Variants in CAMK2G observed in about 807,000 individuals in gnomAD.
CAMK2G encodes calcium/calmodulin dependent protein kinase II gamma.
Under a neutral mutation model 88.7 loss-of-function variants are expected in CAMK2G, and 23 were observed. The observed-to-expected ratio is 0.26, with a 90% CI of 0.19 to 0.37. The LOEUF (loss-of-function observed/expected upper bound fraction) is 0.37, where lower values mean the gene tolerates loss of function less well. Ranked by LOEUF, CAMK2G falls within the 10% of genes least tolerant of loss-of-function variation. The pLI, the probability that CAMK2G is intolerant of heterozygous loss-of-function variation, is 1.00. For synonymous variants in CAMK2G, 263 were observed against 294.8 expected, an observed-to-expected ratio of 0.89 and a Z score of 1.11; for missense variants, 476 against 780.8, an observed-to-expected ratio of 0.61 and a Z score of 4.65.
At chr10:73,854,452 C>A (rs1246827405) in intron 3 of CAMK2G, among the ~76,000 whole-genome samples, 1 of 152,206 alleles carries the variant, frequency 6.6e-6, no homozygotes, top group East Asian at 1.9e-4. Flanking sequence ...GGCTGACTGT[C>A]CTGTCCCTCC....
At position 73,842,553 on chromosome 10, in the gene CAMK2G, A is replaced by G. The variant is rs1185452092; in HGVS notation, c.820-12T>C. 9 of 1,601,190 alleles carry G rather than the reference A, an allele frequency of 5.6e-6. No homozygotes were observed. The African/African-American group carries it at 1.2e-4, about 21-fold the overall frequency. ...ACCGTGGATCGTTGCTAGAAACCAA[A>G]CAGACAGGCTATGAGCCCCAGCCCA... On this transcript the variant is annotated splice_polypyrimidine_tract_variant and intron_variant, in intron 10 of 22. Transcript: ENST00000423381. The surrounding 1 kb of genome is among the most constrained non-coding windows in gnomAD (Gnocchi z 4.6).
Position 73,862,591 on chromosome 10 carries a change from G to A in CAMK2G, c.161-1702C>T, listed in dbSNP as rs147646757. On this transcript the variant is annotated intron_variant, in intron 2 of 22. Transcript: ENST00000423381. Reference sequence around the variant, plus strand: ...CTGATTAGCTCTATTATATTACCGAGGAAACAGGTTTAAAAAGATAGAGTA... The same window carrying A: ...CTGATTAGCTCTATTATATTACCGAAGAAACAGGTTTAAAAAGATAGAGTA... 4.8e-3 allele frequency among the ~76,000 whole-genome samples: 736 copies of A among 152,262 alleles called. 9 individuals are homozygous for A. Among genetic ancestry groups the A allele is most frequent in the African/African-American group, 0.017 (712 of 41,530 alleles).
intron 2 of CAMK2G, among the ~76,000 whole-genome samples, chr10:73,862,850 CCCT>C (rs1176096473): frequency 3.3e-5 from 5 of 152,206 alleles, no homozygotes; most frequent in African/African-American, 1.2e-4. Flanking sequence ...CCTGCCTCTA[CCCT>C]AAACAGCAAA....
chr10:73,837,644 G>A, intron 13 of CAMK2G, 133 bp from the exon 14 acceptor site: 1 of 778,964 alleles, frequency 1.3e-6, no homozygotes, highest in Non-Finnish European at 2.4e-6. Flanking sequence ...CCCCAAAAGA[G>A]GCACTTCCTA....
intron 2 of CAMK2G, among the ~76,000 whole-genome samples, chr10:73,868,182 T>C (rs2095661881): frequency 6.6e-6 from 1 of 152,124 alleles, no homozygotes; most frequent in African/African-American, 2.4e-5. Flanking sequence ...ATCTCCAGTC[T>C]CAGCAGAGAA....
intron 12 of CAMK2G, among the ~76,000 whole-genome samples, chr10:73,840,856 A>G (rs2093719893): frequency 6.6e-6 from 1 of 152,232 alleles, no homozygotes; most frequent in Non-Finnish European, 1.5e-5. Context: ...GTAGACCCAA[A>G]AAGTAGAAGC....
intron 10 of CAMK2G, among the ~76,000 whole-genome samples, chr10:73,845,304 C>T (rs942856034): frequency 5.9e-5 from 9 of 152,208 alleles, no homozygotes; most frequent in South Asian, 2.1e-4. Flanking sequence ...TCATCTTGGC[C>T]GGGCGCAGTG....
Position 73,849,203 on chromosome 10 carries a change from G to A in CAMK2G, c.414+58C>T, listed in dbSNP as rs1019714052. On this transcript the variant is annotated intron_variant, in intron 6 of 22. Transcript: ENST00000423381. Reference sequence around the variant, plus strand: ...TGGGCCTACGCAGTACCACTATCTGGCACCAGGTGGCGCCAACACTTCATG... The same window carrying A: ...TGGGCCTACGCAGTACCACTATCTGACACCAGGTGGCGCCAACACTTCATG... 7 of 1,566,602 alleles carry A rather than the reference G, an allele frequency of 4.5e-6. 1 individual carries two copies. Among genetic ancestry groups the A allele is most frequent in the South Asian group, 3.3e-5 (3 of 90,126 alleles).
chr10:73,865,739 C>T (rs1310439788), intron 2 of CAMK2G, among the ~76,000 whole-genome samples: 2 of 152,188 alleles, frequency 1.3e-5, no homozygotes, highest in Admixed American at 6.5e-5. Context: ...GGCTCGGCAT[C>T]TCAAGGTGCT....
intron 2 of CAMK2G, among the ~76,000 whole-genome samples, chr10:73,872,264 C>T (rs1160669454): frequency 6.6e-6 from 1 of 152,098 alleles, no homozygotes; most frequent in East Asian, 1.9e-4. Flanking sequence ...GGGAGGATCT[C>T]GCAAGTGAGG....
intron 14 of CAMK2G, among the ~76,000 whole-genome samples, chr10:73,832,481 A>G (rs1244935247): frequency 6.6e-6 from 1 of 151,680 alleles, no homozygotes; most frequent in Non-Finnish European, 1.5e-5. Flanking sequence ...TAATTTTTGT[A>G]TTTTTAGTAA....
intron 14 of CAMK2G, among the ~76,000 whole-genome samples, chr10:73,829,475 T>A (rs1055237673): frequency 6.6e-6 from 1 of 151,730 alleles, no homozygotes; most frequent in African/African-American, 2.4e-5. Context: ...TTTTTTGTAT[T>A]TTTAGTAGAG....
chr10:73,829,700 GGTGTGTGTGTGTGT>G (rs60725888), intron 14 of CAMK2G, among the ~76,000 whole-genome samples: 17 of 138,370 alleles, frequency 1.2e-4, no homozygotes, highest in Non-Finnish European at 2.2e-4. Context: ...TAAGTAGTGG[GGTGTGTGTGTGTGT>G]GTGTGTGTGT....
chr10:73,818,747 AAC>A (rs2086658409), intron 19 of CAMK2G: 1 of 456,098 alleles, frequency 2.2e-6, no homozygotes, highest in African/African-American at 2.0e-5. Flanking sequence ...GTGCACCCAC[AAC>A]ACACACACCC....
At chr10:73,831,146 ATAT>A (rs1361998950) in intron 14 of CAMK2G, among the ~76,000 whole-genome samples, 1 of 152,186 alleles carries the variant, frequency 6.6e-6, no homozygotes, top group Non-Finnish European at 1.5e-5. Flanking sequence ...TACCTGTTTC[ATAT>A]TATAAAAGGA....
At position 73,874,464 on chromosome 10, in the gene CAMK2G, T is replaced by TGGCG. The variant is rs760182121; in HGVS notation, c.-7_-4dup. 32 of 1,495,030 alleles carry TGGCG rather than the reference T, an allele frequency of 2.1e-5. No individual in the cohort carries two copies. Among genetic ancestry groups the TGGCG allele is most frequent in the Admixed American group, 7.7e-5 (4 of 52,178 alleles). The allele number at this position is 1,495,030 out of a possible 1,614,324, so 92.6% of individuals were successfully genotyped here. On this transcript the variant is annotated 5_prime_UTR_variant, in exon 1 of 23. Coordinates refer to ENST00000423381, the MANE Select transcript of CAMK2G (RefSeq NM_001367534.1). ...GTGCAGGTGGCGGTGGTGGCCATGC[T>TGGCG]GGCGGGCGGGCGGACGCGGCGGTGC...
At chr10:73,854,224 C>T (rs894650898) in intron 3 of CAMK2G, among the ~76,000 whole-genome samples, 1 of 152,160 alleles carries the variant, frequency 6.6e-6, no homozygotes, top group East Asian at 1.9e-4. Flanking sequence ...CAGACAGGTC[C>T]GGGAGGGTGC....
chr10:73,840,563 A>G (rs2093692539), intron 12 of CAMK2G, among the ~76,000 whole-genome samples: 1 of 152,250 alleles, frequency 6.6e-6, no homozygotes, highest in Admixed American at 6.5e-5. Flanking sequence ...CTCAAAGGCC[A>G]GTCTAGGTCT....
At chr10:73,829,990 T>G (rs559449635) in intron 14 of CAMK2G, among the ~76,000 whole-genome samples, 56 of 152,330 alleles carry the variant, frequency 3.7e-4, no homozygotes, top group African/African-American at 1.3e-3. Flanking sequence ...GGCCCAGTCT[T>G]TGTTCTGCTG....
Sources: allele counts gnomAD v4.1 joint callset (sites outside exome capture counted in the v4.1 genomes callset), GRCh38; gene constraint gnomAD v4.1.1; non-coding constraint Gnocchi (gnomAD v3.1); transcripts MANE v1.5; gene names NCBI Gene and HGNC (gene_info 2026-07-23, HGNC 2026-07-21).